NHSL2: variants seen among roughly 807,000 people sequenced by gnomAD.
The protein encoded by NHSL2 is NHS-like protein 2.
In NHSL2, 27 loss-of-function variants were observed where a neutral mutation model predicts 53.4. The observed-to-expected ratio is 0.51, with a 90% confidence interval of 0.37 to 0.70. NHSL2 has a LOEUF of 0.70. Ranked by LOEUF, NHSL2 falls within the 30% of genes least tolerant of loss-of-function variation. The pLI is 0.00. For synonymous variants in NHSL2, 408 were observed against 404.1 expected, an observed-to-expected ratio of 1.01 and a Z score of -0.12; for missense variants, 892 against 980.1, an observed-to-expected ratio of 0.91 and a Z score of 1.20.
chrX:71,958,111 A>G (rs1383116629), intron 1 of NHSL2, among the ~76,000 whole-genome samples: 1 of 110,643 alleles, frequency 9.0e-6, no homozygotes, highest in Admixed American at 9.6e-5. Flanking sequence ...GAGTCAAGGC[A>G]GGCTGCATTC....
intron 1 of NHSL2, among the ~76,000 whole-genome samples, chrX:72,113,601 C>T (rs1188810410): frequency 8.9e-6 from 1 of 112,453 alleles, no homozygotes; most frequent in Non-Finnish European, 1.9e-5. Flanking sequence ...CCCCCAGCAA[C>T]CGCTATGTGA....
intron 1 of NHSL2, among the ~76,000 whole-genome samples, chrX:72,105,523 G>A (rs1258906580): frequency 8.9e-6 from 1 of 111,793 alleles, no homozygotes. Context: ...GAGGTAGGCG[G>A]AAGTTGGAGG....
chrX:71,921,503 A>G lies in NHSL2; in HGVS notation c.280+10136A>G, dbSNP rs150227958. Reference sequence around the variant, plus strand: ...TATTTTATTAATAAAAAGGATAAATATATGATGAAGTAGAGTAAAACATCT... The same window carrying G: ...TATTTTATTAATAAAAAGGATAAATGTATGATGAAGTAGAGTAAAACATCT... On this transcript the variant is annotated intron_variant, in intron 1 of 7. Coordinates refer to ENST00000633930, the MANE Select transcript of NHSL2 (RefSeq NM_001013627.3). Among the ~76,000 whole-genome samples the G allele has an allele frequency of 7.2e-5, 8 of 111,362 alleles. No individual in the cohort carries two copies. In the East Asian group the frequency reaches 2.3e-3, roughly 31 times the overall value.
In NHSL2 at chrX:72,146,414, A is replaced by G. The variant is rs921449807; in HGVS notation, c.*2840A>G. 3.6e-5 allele frequency: 4 copies of G among 112,602 alleles called. No individual in the cohort carries two copies. The highest frequency in any genetic ancestry group is 1.3e-4 in the African/African-American group (4 of 30,938). 9.3% of individuals were successfully genotyped at this position (112,602 alleles called of 1,213,427 possible). A position where few individuals can be genotyped will look rare whatever the true frequency, so the allele number is the denominator to read the frequency against. Reference sequence around the variant, plus strand: ...TCTGCACCTACGCTGCTGAGACTGGAGAAGAGAGGCTGAAAGCCCCTCTCA... The same window carrying G: ...TCTGCACCTACGCTGCTGAGACTGGGGAAGAGAGGCTGAAAGCCCCTCTCA... On this transcript the variant is annotated 3_prime_UTR_variant, in exon 8 of 8. Transcript: ENST00000633930.
chrX:72,085,727 T>G (rs1329736216), intron 1 of NHSL2, among the ~76,000 whole-genome samples: 1 of 106,588 alleles, frequency 9.4e-6, no homozygotes, highest in Admixed American at 1.0e-4. Flanking sequence ...TTTTTTTTTT[T>G]GTGGGGGGGT....
intron 1 of NHSL2, among the ~76,000 whole-genome samples, chrX:71,950,918 C>T (rs546060855): frequency 2.7e-5 from 3 of 109,697 alleles, no homozygotes; most frequent in African/African-American, 1.0e-4. Context: ...TCCAAACTCC[C>T]GGGCTTGGCA....
At chrX:72,021,060 TACAC>T (rs68122154) in intron 1 of NHSL2, among the ~76,000 whole-genome samples, 4,140 of 106,744 alleles carry the variant, frequency 0.039, 219 homozygotes, top group African/African-American at 0.14. Flanking sequence ...CGCGTGCGCA[TACAC>T]ACACACACAC....
At chrX:72,108,888 A>G (rs973480207) in intron 1 of NHSL2, among the ~76,000 whole-genome samples, 4 of 110,761 alleles carry the variant, frequency 3.6e-5, no homozygotes, top group Admixed American at 9.6e-5. Context: ...TCAAACCCCA[A>G]TTCCTGACCG....
intron 1 of NHSL2, among the ~76,000 whole-genome samples, chrX:71,986,841 C>T (rs1012658712): frequency 1.8e-5 from 2 of 111,613 alleles, no homozygotes; most frequent in Admixed American, 9.5e-5. Context: ...TTAATTTGAG[C>T]GAATATGTTC....
intron 1 of NHSL2, among the ~76,000 whole-genome samples, chrX:72,095,933 A>C (rs2041940174): frequency 9.0e-6 from 1 of 111,322 alleles, no homozygotes; most frequent in South Asian, 3.7e-4. Context: ...TCCTTCATTC[A>C]ACAAATAAGT....
At chrX:72,094,403 G>C (rs1038735370) in intron 1 of NHSL2, among the ~76,000 whole-genome samples, 11 of 111,808 alleles carry the variant, frequency 9.8e-5, no homozygotes, top group African/African-American at 3.6e-4. Context: ...CATGCAGGGG[G>C]CTTTGACTCA....
intron 1 of NHSL2, among the ~76,000 whole-genome samples, chrX:71,924,738 G>A (rs190756370): frequency 7.3e-4 from 82 of 112,363 alleles, no homozygotes; most frequent in Middle Eastern, 4.6e-3. Context: ...GGCTAGTGAC[G>A]GGCCTTTGAG....
chrX:72,093,806 C>T (rs1317888710), intron 1 of NHSL2, among the ~76,000 whole-genome samples: 1 of 103,452 alleles, frequency 9.7e-6, no homozygotes, highest in Non-Finnish European at 2.0e-5. Context: ...CTTTCAAAAC[C>T]TACTCTTCTC....
chrX:72,016,609 G>A (rs1313956850), intron 1 of NHSL2, among the ~76,000 whole-genome samples: 1 of 110,750 alleles, frequency 9.0e-6, no homozygotes, highest in African/African-American at 3.3e-5. Context: ...AAGACCACTG[G>A]GGCCTGCACG....
rs760422585 is a variant in NHSL2, at chrX:72,092,478, G to A, written c.281-39601G>A. ...GAGTGCTCAGTGCAAAGCACCTCAC[G>A]GGCCTCTGGGCACCCTCAGACCCAA... On this transcript the variant is annotated intron_variant, in intron 1 of 7. Transcript: ENST00000633930. 8.1e-5 allele frequency among the ~76,000 whole-genome samples: 9 copies of A among 111,779 alleles called. No homozygotes were observed. The East Asian group carries it at 8.4e-4, about 10-fold the overall frequency.
intron 1 of NHSL2, among the ~76,000 whole-genome samples, chrX:72,027,941 G>C (rs2042194118): frequency 8.9e-6 from 1 of 111,952 alleles, no homozygotes; most frequent in Admixed American, 9.5e-5. Context: ...CCAAACCCAT[G>C]ATGGGTGGGA....
Position 72,147,081 on chromosome X carries a change from G to C in NHSL2, c.*3507G>C, listed in dbSNP as rs934948397. On this transcript the variant is annotated 3_prime_UTR_variant, in exon 8 of 8. Coordinates refer to ENST00000633930, the MANE Select transcript of NHSL2 (RefSeq NM_001013627.3). ...CCAGTGTAACTATCTGGACAACACA[G>C]ACCCGATTGCAGTCTCTCTGTACCT... is the stretch of plus-strand genomic sequence containing the variant. 18 of 112,208 alleles carry C rather than the reference G, an allele frequency of 1.6e-4. No homozygotes were observed. The highest frequency in any genetic ancestry group is 5.5e-4 in the African/African-American group (17 of 30,820). 9.2% of individuals were successfully genotyped at this position (112,208 alleles called of 1,213,427 possible). A position where few individuals can be genotyped will look rare whatever the true frequency, so the allele number is the denominator to read the frequency against.
At position 72,140,457 on chromosome X, in the gene NHSL2, G is replaced by T. The variant is rs1436055354; in HGVS notation, c.2909G>T (p.Ser970Ile). Residue 970 changes from serine (S) to isoleucine (I), a missense_variant, in exon 6 of 8, where the codon AGT (serine) becomes ATT (isoleucine). Coordinates refer to ENST00000633930, the MANE Select transcript of NHSL2 (RefSeq NM_001013627.3). ...GGAACACAGCAGCCTCCCCAGGGAA[G>T]TGTAGAGGACGAGGGCCCCAAGGTG... ...FSGTQQPPQGSVEDEGPKVRV... is the reference protein window; with the variant it reads ...FSGTQQPPQGIVEDEGPKVRV... 1 of 1,207,774 alleles carries T rather than the reference G, an allele frequency of 8.3e-7. No homozygotes were observed. Among genetic ancestry groups the T allele is most frequent in the East Asian group, 3.0e-5 (1 of 33,760 alleles).
rs183363004 is a variant in NHSL2, at chrX:72,075,714, G to A, written c.281-56365G>A. ...GAATTAATAGTGCCTACCTCATGGG[G>A]TGGTTGTGAGGATGAAATCAGGTGC... On this transcript the variant is annotated intron_variant, in intron 1 of 7. Transcript: ENST00000633930. 1.4e-3 allele frequency among the ~76,000 whole-genome samples: 155 copies of A among 111,636 alleles called. 1 individual carries two copies. The highest frequency in any genetic ancestry group is 6.0e-3 in the Admixed American group (63 of 10,514).
Sources: gnomAD v4.1 joint callset for allele counts (sites outside exome capture counted in the v4.1 genomes callset) on GRCh38, gnomAD v4.1.1 for gene constraint, MANE v1.5 for transcripts, NCBI Gene and HGNC (gene_info 2026-07-23, HGNC 2026-07-21) for gene names.